DNAAF5: variants seen among roughly 807,000 people sequenced by gnomAD.
DNAAF5 encodes the protein dynein axonemal assembly factor 5, also known as HEAT repeat containing 2.
DNAAF5 carries 64 observed loss-of-function variants against 75.8 expected under a neutral mutation model. The observed-to-expected ratio is 0.84, with a 90% CI of 0.69 to 1.04. The LOEUF is 1.04. DNAAF5 is among the 50% of genes least tolerant of loss of function. DNAAF5 has a pLI of 0.00. For synonymous variants in DNAAF5, 657 were observed against 557.2 expected (o/e 1.18, Z -2.52); for missense variants, 1,269 against 1,178.5 (o/e 1.08, Z -1.12).
intron 5 of DNAAF5, among the ~76,000 whole-genome samples, chr7:756,089 GGT>G (rs1782472538): frequency 9.4e-6 from 1 of 106,018 alleles, no homozygotes; most frequent in Non-Finnish European, 2.0e-5. Flanking sequence ...CAGAGGGGCT[GGT>G]GTGTGTGTGA....
chr7:727,543 C>T (rs946905739), intron 1 of DNAAF5: 10 of 290,636 alleles, frequency 3.4e-5, no homozygotes, highest in Non-Finnish European at 5.0e-5. Context: ...CACGTCCCGC[C>T]ACCAACGCGC....
intron 2 of DNAAF5, among the ~76,000 whole-genome samples, chr7:735,261 C>T (rs1781702862): frequency 6.8e-6 from 1 of 147,350 alleles, no homozygotes; most frequent in Admixed American, 6.8e-5. Context: ...TGGTGTTGTT[C>T]TTCATGGTGT....
intron 12 of DNAAF5, among the ~76,000 whole-genome samples, chr7:784,393 G>C (rs1368104779): frequency 1.3e-5 from 2 of 152,182 alleles, no homozygotes; most frequent in Non-Finnish European, 2.9e-5. Context: ...ACCCTCAGTG[G>C]CTCAGTGGCC....
intron 2 of DNAAF5, among the ~76,000 whole-genome samples, chr7:738,841 G>T (rs191461464): frequency 6.6e-6 from 1 of 152,240 alleles, no homozygotes; most frequent in African/African-American, 2.4e-5. Flanking sequence ...AAGCCTATCT[G>T]TGGGTTCCGA....
intron 6 of DNAAF5, among the ~76,000 whole-genome samples, chr7:759,889 T>C (rs1462409392): frequency 1.3e-5 from 2 of 152,228 alleles, no homozygotes; most frequent in Non-Finnish European, 2.9e-5. Flanking sequence ...GAAATGTACA[T>C]GACAGGTCAT....
intron 8 of DNAAF5, among the ~76,000 whole-genome samples, chr7:767,686 T>A (rs1309019442): frequency 1.3e-5 from 2 of 151,888 alleles, no homozygotes; most frequent in East Asian, 3.9e-4. Flanking sequence ...GAACTCGCAC[T>A]GGGAGGGGAG....
intron 8 of DNAAF5, among the ~76,000 whole-genome samples, chr7:767,381 A>G (rs990205592): frequency 1.3e-5 from 2 of 152,162 alleles, no homozygotes; most frequent in East Asian, 1.9e-4. Context: ...GGAATTGCCA[A>G]TGTCTTCACT....
intron 4 of DNAAF5, chr7:750,810 A>G: frequency 6.0e-6 from 1 of 167,070 alleles, no homozygotes. Context: ...TTCAGCTGTC[A>G]GCAGACCCCT....
intron 4 of DNAAF5, among the ~76,000 whole-genome samples, chr7:743,542 A>G (rs1781987527): frequency 9.3e-6 from 1 of 107,734 alleles, no homozygotes; most frequent in Admixed American, 1.1e-4. Flanking sequence ...CACGCTGCAC[A>G]GTTGCTGTAC....
At chr7:758,384 CTCCCCA>C (rs1480150822) in intron 6 of DNAAF5, among the ~76,000 whole-genome samples, 1 of 152,230 alleles carries the variant, frequency 6.6e-6, no homozygotes, top group Non-Finnish European at 1.5e-5. Context: ...GTGCATTTGG[CTCCCCA>C]TCTTCCAGTT....
chr7:774,420 G>C lies in DNAAF5; in HGVS notation c.2082+222G>C, dbSNP rs538421101. Among the ~76,000 whole-genome samples the C allele has an allele frequency of 1.3e-3, 193 of 152,320 alleles. 1 individual carries two copies. Among genetic ancestry groups the C allele is most frequent in the African/African-American group, 4.5e-3 (185 of 41,572 alleles). ...GGCGGGAGAGCGGGAGCCAGGCCGC[G>C]GGCCCAGCCAGCCCGGTCGTGCTGC... On this transcript the variant is annotated intron_variant, in intron 10 of 12. Transcript: ENST00000297440.
intron 4 of DNAAF5, among the ~76,000 whole-genome samples, chr7:753,414 C>T (rs1364786887): frequency 7.2e-5 from 11 of 152,236 alleles, no homozygotes; most frequent in Non-Finnish European, 1.5e-4. Context: ...AAGTGCAGCT[C>T]AGTCACGGGA....
chr7:745,948 G>A (rs868161916), intron 4 of DNAAF5, among the ~76,000 whole-genome samples: 6 of 152,178 alleles, frequency 3.9e-5, no homozygotes, highest in African/African-American at 9.7e-5. Context: ...AGAGAGTGTC[G>A]TTAGGCACAG....
At position 780,068 on chromosome 7, in the gene DNAAF5, C is replaced by T. The variant is rs777864625; in HGVS notation, c.2355C>T (p.Ser785=). The T allele has an allele frequency of 6.2e-7, 1 of 1,614,120 alleles. No homozygotes were observed. The highest frequency in any genetic ancestry group is 8.5e-7 in the Non-Finnish European group (1 of 1,180,034). Residue 785 remains serine, a synonymous_variant, in exon 12 of 13, where the codon AGC becomes AGT. Coordinates refer to ENST00000297440, the MANE Select transcript of DNAAF5 (RefSeq NM_017802.4). ...CCAACGCAAAATCCTACTATCAGAG[C>T]AGTGTCCAGTACCTGTACCGAGAGT... is the stretch of plus-strand genomic sequence containing the variant. ...KGANAKSYYQ[S]SVQYLYRELL...
Position 775,042 on chromosome 7 carries a change from C to T in DNAAF5, c.2119C>T (p.Leu707=). 2 of 1,613,978 alleles carry T rather than the reference C, an allele frequency of 1.2e-6. No homozygotes were observed. The highest frequency in any genetic ancestry group is 1.7e-6 in the Non-Finnish European group (2 of 1,179,908). Residue 707 remains leucine, a synonymous_variant, in exon 11 of 13, where the codon CTG becomes TTG. Transcript: ENST00000297440. ...DVQETLMPQV[L]TTLEEDSKMT... ...GCAGGAAACACTGATGCCCCAGGTC[C>T]TGACCACCCTGGAGGAGGATTCGAA...
intron 4 of DNAAF5, among the ~76,000 whole-genome samples, chr7:742,716 C>CAATCATGCCCAGCTCAAATT: frequency 6.7e-6 from 1 of 149,754 alleles, no homozygotes; most frequent in South Asian, 2.1e-4. Flanking sequence ...CAGCTCAAAT[C>CAATCATGCCCAGCTCAAATT]AGATGCCCAG....
At chr7:784,852 T>G (rs1779098807) in intron 12 of DNAAF5, among the ~76,000 whole-genome samples, 1 of 152,220 alleles carries the variant, frequency 6.6e-6, no homozygotes, top group Admixed American at 6.5e-5. Flanking sequence ...CATCATTTCA[T>G]GGTCTGCCCA....
intron 6 of DNAAF5, among the ~76,000 whole-genome samples, chr7:757,887 C>G (rs1013995148): frequency 3.3e-5 from 5 of 152,248 alleles, no homozygotes; most frequent in African/African-American, 1.2e-4. Flanking sequence ...TGGCCTGGGG[C>G]ACGGGGACTT....
chr7:782,714 GAT>G (rs1779011397), intron 12 of DNAAF5, among the ~76,000 whole-genome samples: 1 of 95,070 alleles, frequency 1.1e-5, no homozygotes, highest in Admixed American at 1.0e-4. Flanking sequence ...TCAGAAACTC[GAT>G]CTTCCTGGCG....
Sources: gnomAD v4.1 joint callset for allele counts (sites outside exome capture counted in the v4.1 genomes callset) on GRCh38, gnomAD v4.1.1 for gene constraint, MANE v1.5 for transcripts, NCBI Gene and HGNC (gene_info 2026-07-23, HGNC 2026-07-21) for gene names.